FRMPD3: variants seen among roughly 807,000 people sequenced by gnomAD.
FRMPD3 encodes FERM and PDZ domain-containing protein 3.
In FRMPD3, 42 loss-of-function variants were observed where a neutral mutation model predicts 97.9. The ratio of observed to expected loss-of-function variants is 0.43; its 90% CI spans 0.34 to 0.55. The LOEUF is 0.55. Among genes scored for constraint, FRMPD3 ranks in the 20% least tolerant of loss-of-function variants. FRMPD3 has a pLI of 0.03. For synonymous variants in FRMPD3, 577 were observed against 581.1 expected, an observed-to-expected ratio of 0.99 and a Z score of 0.10; for missense variants, 1,303 against 1,457.7, an observed-to-expected ratio of 0.89 and a Z score of 1.73.
chrX:107,568,917 GAGAGAGAGAGA>G (rs1922735088), intron 12 of FRMPD3, among the ~76,000 whole-genome samples: 2 of 88,639 alleles, frequency 2.3e-5, no homozygotes, highest in African/African-American at 1.6e-4. Context: ...GAGAGAGAGA[GAGAGAGAGAGA>G]GGGAGAGAGA....
chrX:107,522,483 C>A (rs761756780), intron 1 of FRMPD3: 10 of 546,929 alleles, frequency 1.8e-5, no homozygotes, highest in Non-Finnish European at 3.3e-5. Context: ...GGTCCAGGAC[C>A]GTGAGTGGGA....
intron 1 of FRMPD3, among the ~76,000 whole-genome samples, chrX:107,491,692 G>A (rs759822845): frequency 3.1e-4 from 35 of 111,620 alleles, no homozygotes; most frequent in Non-Finnish European, 5.9e-4. Context: ...CTGGAGTGGC[G>A]GGCCACCATG....
chrX:107,586,556 C>A (rs1364639345), intron 13 of FRMPD3, among the ~76,000 whole-genome samples: 1 of 111,316 alleles, frequency 9.0e-6, no homozygotes, highest in Admixed American at 9.7e-5. Flanking sequence ...GATTTTAGAT[C>A]TTTCTAGCTT....
chrX:107,568,783 G>A (rs1426750372), intron 12 of FRMPD3, among the ~76,000 whole-genome samples: 3 of 110,706 alleles, frequency 2.7e-5, no homozygotes, highest in African/African-American at 9.9e-5. Flanking sequence ...GGCTTGCTGG[G>A]TGCAGTGGCT....
intron 1 of FRMPD3, among the ~76,000 whole-genome samples, chrX:107,497,877 G>A (rs1191279893): frequency 8.9e-6 from 1 of 111,857 alleles, no homozygotes; most frequent in African/African-American, 3.3e-5. Context: ...TCGTGCCAAC[G>A]TGTGGCCCTG....
At chrX:107,568,949 G>A (rs1459626400) in intron 12 of FRMPD3, among the ~76,000 whole-genome samples, 1 of 107,586 alleles carries the variant, frequency 9.3e-6, no homozygotes, top group Non-Finnish European at 1.9e-5. Flanking sequence ...GAGAGAGAGA[G>A]AGAACCATGG....
At chrX:107,469,058 T>C (rs750353124) in intron 1 of FRMPD3, among the ~76,000 whole-genome samples, 2 of 111,647 alleles carry the variant, frequency 1.8e-5, no homozygotes, top group South Asian at 7.6e-4. Context: ...TGGTGGAGAA[T>C]AGAGAAAGAT....
intron 6 of FRMPD3, 130 bp from the exon 7 acceptor site, chrX:107,552,665 C>A: frequency 2.9e-6 from 2 of 695,213 alleles, no homozygotes; most frequent in Non-Finnish European, 4.2e-6. Context: ...CTATAAAGGC[C>A]AGTGTTGCAG....
intron 1 of FRMPD3, among the ~76,000 whole-genome samples, chrX:107,512,055 A>G (rs1047701201): frequency 1.4e-4 from 15 of 107,149 alleles, no homozygotes; most frequent in African/African-American, 2.4e-4. Context: ...ACACACACAC[A>G]CGCGCACACA....
Position 107,596,826 on chromosome X carries a change from CT to C in FRMPD3, c.1442-494del, listed in dbSNP as rs1446923419. Among the ~76,000 whole-genome samples, 5 of 112,156 alleles carry C rather than the reference CT, an allele frequency of 4.5e-5. No homozygotes were observed. In the East Asian group the frequency reaches 1.4e-3, roughly 31 times the overall value. Reference sequence around the variant, plus strand: ...ATGTAGCCTGTTTAACAGGTTCTGACTAAAGCATTAGTAACTTGTCAGATTT... The same window carrying C: ...ATGTAGCCTGTTTAACAGGTTCTGACAAAGCATTAGTAACTTGTCAGATTT... On this transcript the variant is annotated intron_variant, in intron 13 of 14. Transcript: ENST00000683843.
intron 1 of FRMPD3, among the ~76,000 whole-genome samples, chrX:107,457,989 G>A (rs1401836210): frequency 8.9e-6 from 1 of 111,935 alleles, no homozygotes; most frequent in African/African-American, 3.2e-5. Flanking sequence ...GTTATTGATT[G>A]CCCAGAAAAC....
Position 107,552,866 on chromosome X carries a change from T to C in FRMPD3, c.582T>C (p.Tyr194=). Residue 194 remains tyrosine (Y), a synonymous_variant, in exon 7 of 15, where the codon TAT becomes TAC. Transcript: ENST00000683843. ...FIEHFALVLE[Y]AGPEQNHKFL... ...AGCACTTTGCTCTTGTCCTTGAGTA[T>C]GCCGGGCCAGAACAGAATCACAAGT... 8.3e-7 allele frequency: 1 copy of C among 1,210,193 alleles called. No individual in the cohort carries two copies. Among genetic ancestry groups the C allele is most frequent in the Non-Finnish European group, 1.1e-6 (1 of 895,029 alleles).
At chrX:107,566,258 TGGTAGCAGATTAAGA>T (rs1922599253) in intron 12 of FRMPD3, among the ~76,000 whole-genome samples, 1 of 112,951 alleles carries the variant, frequency 8.9e-6, no homozygotes, top group African/African-American at 3.2e-5. Context: ...GGGGAGATAT[TGGTAGCAGATTAAGA>T]GGTGGAGTGT....
intron 1 of FRMPD3, among the ~76,000 whole-genome samples, chrX:107,475,867 A>G (rs1005188709): frequency 8.9e-6 from 1 of 111,931 alleles, no homozygotes; most frequent in African/African-American, 3.2e-5. Context: ...TGTAAAATGA[A>G]GTGGTGTTAT....
chrX:107,473,913 G>A (rs913310094), intron 1 of FRMPD3, among the ~76,000 whole-genome samples: 9 of 111,709 alleles, frequency 8.1e-5, no homozygotes, highest in African/African-American at 2.9e-4. Flanking sequence ...GTGAAACCCC[G>A]TCTCTACTAA....
intron 4 of FRMPD3, among the ~76,000 whole-genome samples, chrX:107,543,089 G>T (rs1921393924): frequency 8.9e-6 from 1 of 111,779 alleles, no homozygotes; most frequent in Admixed American, 9.4e-5. Context: ...CCATATTATT[G>T]CAGTTACAAA....
chrX:107,554,806 C>T (rs892229709), intron 8 of FRMPD3: 7 of 252,080 alleles, frequency 2.8e-5, no homozygotes, highest in Non-Finnish European at 4.3e-5. Flanking sequence ...AAGCCCATTT[C>T]GGTTTCAACG....
chrX:107,471,724 A>G (rs1219237419), intron 1 of FRMPD3, among the ~76,000 whole-genome samples: 3 of 112,034 alleles, frequency 2.7e-5, no homozygotes, highest in Non-Finnish European at 5.6e-5. Flanking sequence ...GGTTGGTTCC[A>G]TGTCTTTGCT....
At chrX:107,584,074 C>T (rs184519803) in intron 13 of FRMPD3, among the ~76,000 whole-genome samples, 4 of 110,258 alleles carry the variant, frequency 3.6e-5, no homozygotes, top group Non-Finnish European at 7.6e-5. Flanking sequence ...ACCATGTTGA[C>T]CAGGCTGGTC....
Sources: gnomAD v4.1 joint callset for allele counts (sites outside exome capture counted in the v4.1 genomes callset) on GRCh38, gnomAD v4.1.1 for gene constraint, MANE v1.5 for transcripts, NCBI Gene and HGNC (gene_info 2026-07-23, HGNC 2026-07-21) for gene names.